LATS1: variants seen among roughly 807,000 people sequenced by gnomAD.
The protein encoded by LATS1 is large tumor suppressor kinase 1.
Under a neutral mutation model 106.6 loss-of-function variants are expected in LATS1, and 25 were observed. The observed-to-expected ratio is 0.23, with a 90% confidence interval of 0.17 to 0.33. LATS1 has a LOEUF of 0.33. Among genes scored for constraint, LATS1 ranks in the 10% least tolerant of loss-of-function variants. The pLI, the probability that LATS1 is intolerant of heterozygous loss-of-function variation, is 1.00. For missense variants in LATS1, 1,040 were observed against 1,382.6 expected, an observed-to-expected ratio of 0.75 and a Z score of 3.93; for synonymous variants, 465 against 455.6, an observed-to-expected ratio of 1.02 and a Z score of -0.26.
chr6:149,670,219 G>T (rs371252111), intron 7 of LATS1, among the ~76,000 whole-genome samples: 56 of 106,354 alleles, frequency 5.3e-4, no homozygotes, highest in Non-Finnish European at 9.3e-4. Context: ...GAAAAGAAAA[G>T]AAAACTTAAT....
intron 3 of LATS1, among the ~76,000 whole-genome samples, chr6:149,686,191 T>C (rs1782365890): frequency 6.6e-6 from 1 of 152,192 alleles, no homozygotes; most frequent in Admixed American, 6.5e-5. Flanking sequence ...TAATGTTCAG[T>C]TTAACACTCC....
chr6:149,673,373 AC>A (rs1781545836), intron 7 of LATS1, among the ~76,000 whole-genome samples: 1 of 151,934 alleles, frequency 6.6e-6, no homozygotes. Flanking sequence ...TGCTAGGATT[AC>A]AGGCATGAGC....
At chr6:149,717,668 A>C (rs1342750804) in intron 1 of LATS1, 181 bp downstream of exon 1, 1 of 161,792 alleles carries the variant, frequency 6.2e-6, no homozygotes, top group East Asian at 1.9e-4. Flanking sequence ...TCGCTTCCCC[A>C]GGGCAGGGCT....
At chr6:149,703,920 C>T (rs1216152621) in intron 1 of LATS1, among the ~76,000 whole-genome samples, 2 of 152,180 alleles carry the variant, frequency 1.3e-5, no homozygotes, top group Non-Finnish European at 2.9e-5. Flanking sequence ...AAAGTTGACA[C>T]CAGTCCAGAT....
intron 1 of LATS1, among the ~76,000 whole-genome samples, chr6:149,713,997 T>C (rs537466268): frequency 6.6e-6 from 1 of 151,702 alleles, no homozygotes; most frequent in Non-Finnish European, 1.5e-5. Context: ...TTTTTTTTTT[T>C]TGTGAGACTG....
intron 3 of LATS1, among the ~76,000 whole-genome samples, chr6:149,685,478 C>T (rs1002764292): frequency 2.0e-5 from 3 of 152,004 alleles, no homozygotes; most frequent in Admixed American, 1.3e-4. Flanking sequence ...CTCCGTCTCC[C>T]GGGTTCAAGT....
At chr6:149,670,458 G>C (rs916152597) in intron 7 of LATS1, among the ~76,000 whole-genome samples, 1 of 151,954 alleles carries the variant, frequency 6.6e-6, no homozygotes, top group Non-Finnish European at 1.5e-5. Context: ...TTCATGAAGG[G>C]AGAGGCTGCT....
chr6:149,682,727 A>G (rs531856612), intron 4 of LATS1, among the ~76,000 whole-genome samples: 1 of 152,068 alleles, frequency 6.6e-6, no homozygotes, highest in Admixed American at 6.6e-5. Flanking sequence ...AGACCCACAT[A>G]TTTCTAGTTT....
At chr6:149,668,811 T>A (rs539847737) in intron 7 of LATS1, among the ~76,000 whole-genome samples, 4 of 151,742 alleles carry the variant, frequency 2.6e-5, no homozygotes, top group African/African-American at 9.7e-5. Context: ...TTGGATGAGG[T>A]AGGTTTTGAG....
intron 7 of LATS1, among the ~76,000 whole-genome samples, chr6:149,668,468 G>T (rs1781278193): frequency 1.3e-5 from 2 of 151,038 alleles, no homozygotes; most frequent in African/African-American, 2.4e-5. Context: ...AAGAGACAGG[G>T]TCTCATTCTG....
At chr6:149,708,867 G>A (rs1783937725) in intron 1 of LATS1, among the ~76,000 whole-genome samples, 1 of 152,110 alleles carries the variant, frequency 6.6e-6, no homozygotes, top group Admixed American at 6.6e-5. Flanking sequence ...GACAAAGACT[G>A]CCCAAATGGA....
intron 7 of LATS1, among the ~76,000 whole-genome samples, chr6:149,665,868 C>T (rs1781115290): frequency 6.6e-6 from 1 of 151,992 alleles, no homozygotes; most frequent in African/African-American, 2.4e-5. Flanking sequence ...CTTGGCTGGG[C>T]ACGGTGGCTC....
rs1393680314 is a variant in LATS1 at position 149,668,399 on chromosome 6, G to A, written c.2884-6161C>T. 2.5e-4 allele frequency among the ~76,000 whole-genome samples: 38 copies of A among 151,570 alleles called. 1 individual carries two copies. The highest frequency in any genetic ancestry group is 7.4e-5 in the Non-Finnish European group (5 of 67,980). On this transcript the variant is annotated intron_variant, in intron 7 of 7. Transcript: ENST00000543571. ...GGAAAGCATGAAGAGCAAGGAAAAC[G>A]CTAAATATCCAGGTAAACATAAATG...
intron 5 of LATS1, among the ~76,000 whole-genome samples, chr6:149,678,057 C>T (rs1285886476): frequency 3.5e-5 from 5 of 142,204 alleles, no homozygotes; most frequent in Admixed American, 7.3e-5. Flanking sequence ...TGGTCGCTCA[C>T]GCCTGTAATC....
At chr6:149,711,810 G>A (rs1395115505) in intron 1 of LATS1, among the ~76,000 whole-genome samples, 3 of 152,168 alleles carry the variant, frequency 2.0e-5, no homozygotes, top group Non-Finnish European at 2.9e-5. Flanking sequence ...TGCTTACACA[G>A]AATCTGCCTA....
Position 149,679,900 on chromosome 6 carries a change from T to C in LATS1, c.2568A>G (p.Thr856=). 3 of 1,605,394 alleles carry C rather than the reference T, an allele frequency of 1.9e-6. No homozygotes were observed. Among genetic ancestry groups the C allele is most frequent in the Non-Finnish European group, 2.6e-6 (3 of 1,176,068 alleles). Residue 856 remains threonine, a synonymous_variant, in exon 5 of 8, where the codon ACA becomes ACG. Transcript: ENST00000543571. ...CACTCTGATAGTACTTAGAATCGTG[T>C]GTCCATCTGAAGCCAGTGCAGAGGC... ...DFGLCTGFRW[T]HDSKYYQSGD...
At chr6:149,665,479 T>C (rs1486540198) in intron 7 of LATS1, among the ~76,000 whole-genome samples, 1 of 152,174 alleles carries the variant, frequency 6.6e-6, no homozygotes, top group Non-Finnish European at 1.5e-5. Context: ...AGTTATGAGA[T>C]ATTGGCAGAG....
chr6:149,661,837 C>T lies in LATS1; in HGVS notation c.3285G>A (p.Lys1095=). The change falls in exon 8 of 8, where the codon AAG becomes AAA. Residue 1095 remains lysine (K), a synonymous_variant. Transcript: ENST00000543571. The part of the protein sequence containing the change: ...DDNGYPYNYP[K]PIEYEYINSQ... Reference sequence around the variant, plus strand: ...AATTAATGTATTCATATTCAATAGGCTTCGGATAATTATATGGGTAGCCAT... The same window carrying T: ...AATTAATGTATTCATATTCAATAGGTTTCGGATAATTATATGGGTAGCCAT... 2 of 1,613,878 alleles carry T rather than the reference C, an allele frequency of 1.2e-6. No individual in the cohort carries two copies. The highest frequency in any genetic ancestry group is 1.1e-5 in the South Asian group (1 of 91,028).
At chr6:149,690,205 CTTT>C (rs1247306023) in intron 3 of LATS1, among the ~76,000 whole-genome samples, 1 of 138,442 alleles carries the variant, frequency 7.2e-6, no homozygotes, top group African/African-American at 2.7e-5. Flanking sequence ...GTATTCTTTT[CTTT>C]TTTTCTTTTT....
Sources: gnomAD v4.1 joint callset for allele counts (sites outside exome capture counted in the v4.1 genomes callset) on GRCh38, gnomAD v4.1.1 for gene constraint, MANE v1.5 for transcripts, NCBI Gene and HGNC (gene_info 2026-07-23, HGNC 2026-07-21) for gene names.